LAMTOR1: variants seen among roughly 807,000 people sequenced by gnomAD.
LAMTOR1 encodes late endosomal/lysosomal adaptor, MAPK and MTOR activator 1, also known as ragulator complex protein LAMTOR1.
In LAMTOR1, 8 loss-of-function variants were observed where a neutral mutation model predicts 20.5. The ratio of observed to expected loss-of-function variants is 0.39; its 90% CI spans 0.23 to 0.70. LAMTOR1 has a LOEUF of 0.70. Among genes scored for constraint, LAMTOR1 ranks in the 30% least tolerant of loss-of-function variants. The pLI, the probability that LAMTOR1 is intolerant of heterozygous loss-of-function variation, is 0.43. For missense variants in LAMTOR1, 135 were observed against 206.2 expected, an observed-to-expected ratio of 0.65 and a Z score of 2.11; for synonymous variants, 77 against 80.9, an observed-to-expected ratio of 0.95 and a Z score of 0.26.
At position 72,097,426 on chromosome 11, in the gene LAMTOR1, C is replaced by G. The variant is rs914686910; in HGVS notation, c.*396G>C. 9.8e-7 allele frequency: 1 copy of G among 1,021,556 alleles called. No individual in the cohort carries two copies. The highest frequency in any genetic ancestry group is 1.7e-5 in the African/African-American group (1 of 58,212). 63.3% of individuals were successfully genotyped at this position (1,021,556 alleles called of 1,614,324 possible). A position where few individuals can be genotyped will look rare whatever the true frequency, so the allele number is the denominator to read the frequency against. ...CTCATCCAGACCCTGGTCACAAACC[C>G]TAGTGAGGTGCATGTGAGCACCAAG... On this transcript the variant is annotated 3_prime_UTR_variant, in exon 5 of 5. Coordinates refer to ENST00000278671, the MANE Select transcript of LAMTOR1 (RefSeq NM_017907.3).
chr11:72,099,149 C>A lies in LAMTOR1; in HGVS notation c.150G>T (p.Glu50Asp). ...CAAGGATGGAAGAGAGCAGGGCCTG[C>A]TCATCAGTGCGAGCGGAAGGCAGGC... ...YHSLPSARTDEQALLSSILAK... is the reference protein window; with the variant it reads ...YHSLPSARTDDQALLSSILAK... Residue 50 changes from glutamate (E) to aspartate (D), a missense_variant, in exon 2 of 5, where the codon GAG becomes GAT. By Grantham distance (45) the Glu-to-Asp change is conservative. Transcript: ENST00000278671. 6.2e-7 allele frequency: 1 copy of A among 1,613,962 alleles called. No homozygotes were observed. Among genetic ancestry groups the A allele is most frequent in the South Asian group, 1.1e-5 (1 of 91,074 alleles).
At chr11:72,101,586 A>C (rs1945440511) in intron 1 of LAMTOR1, among the ~76,000 whole-genome samples, 1 of 152,218 alleles carries the variant, frequency 6.6e-6, no homozygotes, top group Non-Finnish European at 1.5e-5. Flanking sequence ...CCCTTTGTAA[A>C]CTGTAACGTG....
chr11:72,102,240 G>A (rs1333857509), intron 1 of LAMTOR1, among the ~76,000 whole-genome samples: 1 of 152,166 alleles, frequency 6.6e-6, no homozygotes, highest in Non-Finnish European at 1.5e-5. Context: ...ACTCTCTCAG[G>A]TCTACTATAT....
intron 2 of LAMTOR1, 101 bp from the exon 3 acceptor site, chr11:72,098,959 T>C (rs1162201904): frequency 4.4e-6 from 6 of 1,352,828 alleles, no homozygotes; most frequent in Admixed American, 4.2e-5. Flanking sequence ...GACACCAGTT[T>C]CCCTCCTGCC....
In LAMTOR1 at chr11:72,098,280, G is replaced by A. The variant is rs759947949; in HGVS notation, c.393+9C>T. ...AAGGGTGGGCAGGGGCAGGTGAGGG[G>A]TGTCTCACCTGCTGCAAATCAGAGA... On this transcript the variant is annotated intron_variant, in intron 4 of 4. Coordinates refer to ENST00000278671, the MANE Select transcript of LAMTOR1 (RefSeq NM_017907.3). The A allele has an allele frequency of 3.1e-6, 5 of 1,610,554 alleles. No individual in the cohort carries two copies. In the South Asian group the frequency reaches 5.6e-5, roughly 18 times the overall value.
intron 4 of LAMTOR1, 166 bp from the exon 5 acceptor site, chr11:72,098,080 A>C (rs1393637904): frequency 4.9e-6 from 5 of 1,029,638 alleles, no homozygotes; most frequent in Non-Finnish European, 7.1e-6. Flanking sequence ...AAAAGAACAA[A>C]GGGGAGTGAA....
chr11:72,098,852 G>A lies in LAMTOR1; in HGVS notation c.195C>T (p.Ile65=). The A allele has an allele frequency of 6.5e-7, 1 of 1,549,966 alleles. No individual in the cohort carries two copies. The change falls in exon 3 of 5, where the codon ATC becomes ATT. Residue 65 remains isoleucine (I), a synonymous_variant. Coordinates refer to ENST00000278671, the MANE Select transcript of LAMTOR1 (RefSeq NM_017907.3). ...GTGAGTCTGCAGCAGACACATCAAT[G>A]ATGTTGCTATGGGGAGAGGAGACAG... ...SSILAKTASN[I]IDVSAADSQG... is the part of the protein sequence containing the mutation.
chr11:72,097,494 G>T lies in LAMTOR1; in HGVS notation c.*328C>A. On this transcript the variant is annotated 3_prime_UTR_variant, in exon 5 of 5. Transcript: ENST00000278671. ...GAGTGACTCTGAGGCCAACAGAGAG[G>T]GTGGGAAGGGGATCTCCCTAGGTCC... 9.1e-7 allele frequency: 1 copy of T among 1,098,396 alleles called. No homozygotes were observed. Among genetic ancestry groups the T allele is most frequent in the Middle Eastern group, 4.0e-4 (1 of 2,476 alleles). The allele number at this position is 1,098,396 out of a possible 1,614,324, so 68.0% of individuals were successfully genotyped here.
At chr11:72,102,224 C>T (rs1945468779) in intron 1 of LAMTOR1, among the ~76,000 whole-genome samples, 1 of 152,204 alleles carries the variant, frequency 6.6e-6, no homozygotes, top group Non-Finnish European at 1.5e-5. Context: ...TACCTGAAAC[C>T]TTTCTACTCT....
At chr11:72,098,926 A>T in intron 2 of LAMTOR1, 68 bp from the exon 3 acceptor site, 1 of 1,404,924 alleles carries the variant, frequency 7.1e-7, no homozygotes, top group Non-Finnish European at 9.7e-7. Context: ...ACTCAGTGCC[A>T]GGTACCAACT....
At chr11:72,099,372 A>T in intron 1 of LAMTOR1, 116 bp from the exon 2 acceptor site, 1 of 1,162,184 alleles carries the variant, frequency 8.6e-7, no homozygotes, top group South Asian at 1.6e-5. Flanking sequence ...TATAAGGAAT[A>T]TCTAAAGTGC....
intron 1 of LAMTOR1, among the ~76,000 whole-genome samples, chr11:72,102,251 GT>G (rs1945470131): frequency 6.6e-6 from 1 of 152,210 alleles, no homozygotes; most frequent in African/African-American, 2.4e-5. Flanking sequence ...TCTACTATAT[GT>G]TCAAATGTAG....
chr11:72,099,680 C>G (rs750442172), intron 1 of LAMTOR1, among the ~76,000 whole-genome samples: 46 of 152,330 alleles, frequency 3.0e-4, no homozygotes, highest in South Asian at 1.0e-3. Context: ...TCCTCATCCC[C>G]TAGGACCAGG....
rs1405455306 is a variant in LAMTOR1 at position 72,103,219 on chromosome 11, C to G, written c.6G>C (p.Gly2=). M[G]CCYSSENEDS... ...CCTCGTTCTCGCTGCTGTAGCAGCACCCCATGGCCGGGGTCGGGCCGGGCG... is the reference window on the plus strand; with the variant it reads ...CCTCGTTCTCGCTGCTGTAGCAGCAGCCCATGGCCGGGGTCGGGCCGGGCG... The change falls in exon 1 of 5, where the codon GGG becomes GGC. Residue 2 remains glycine, a synonymous_variant. Coordinates refer to ENST00000278671, the MANE Select transcript of LAMTOR1 (RefSeq NM_017907.3). 1.3e-6 allele frequency: 2 copies of G among 1,570,118 alleles called. No individual in the cohort carries two copies. Among genetic ancestry groups the G allele is most frequent in the East Asian group, 2.4e-5 (1 of 42,410 alleles).
At chr11:72,100,865 G>A (rs565928899) in intron 1 of LAMTOR1, 20 of 152,452 alleles carry the variant, frequency 1.3e-4, no homozygotes, top group African/African-American at 3.8e-4. Flanking sequence ...AACAGCAAGA[G>A]ACAGAAGCTG....
intron 3 of LAMTOR1, 49 bp downstream of exon 3, chr11:72,098,732 G>A: frequency 7.5e-7 from 1 of 1,339,318 alleles, no homozygotes; most frequent in Non-Finnish European, 1.0e-6. Context: ...CAGTGATGGA[G>A]GGTGGGAGCC....
Position 72,097,377 on chromosome 11 carries a change from A to T in LAMTOR1, c.*445T>A. 1.0e-6 allele frequency: 1 copy of T among 999,220 alleles called. No homozygotes were observed. The highest frequency in any genetic ancestry group is 1.2e-6 in the Non-Finnish European group (1 of 837,472). 61.9% of individuals were successfully genotyped at this position (999,220 alleles called of 1,614,324 possible). A position where few individuals can be genotyped will look rare whatever the true frequency, so the allele number is the denominator to read the frequency against. On this transcript the variant is annotated 3_prime_UTR_variant, in exon 5 of 5. Transcript: ENST00000278671. Reference sequence around the variant, plus strand: ...TAAAAACCCAGGGTTCTAGAAATACAAACTCAATTCATTCAAATTCAAGCT... The same window carrying T: ...TAAAAACCCAGGGTTCTAGAAATACTAACTCAATTCATTCAAATTCAAGCT...
rs4365081 is a variant in LAMTOR1 at position 72,097,674 on chromosome 11, G to A, written c.*148C>T. ...CTACCCTCACTTGCTCAGGCTTCTA[G>A]CCTTCCTCTTCTCCTCCTTCTTCAC... On this transcript the variant is annotated 3_prime_UTR_variant, in exon 5 of 5. Coordinates refer to ENST00000278671, the MANE Select transcript of LAMTOR1 (RefSeq NM_017907.3). 1 of 1,524,464 alleles carries A rather than the reference G, an allele frequency of 6.6e-7. No individual in the cohort carries two copies. The highest frequency in any genetic ancestry group is 1.9e-5 in the Admixed American group (1 of 51,938). 94.4% of individuals were successfully genotyped at this position (1,524,464 alleles called of 1,614,324 possible).
chr11:72,097,815 C>G lies in LAMTOR1; in HGVS notation c.*7G>C. On this transcript the variant is annotated 3_prime_UTR_variant, in exon 5 of 5. Transcript: ENST00000278671. ...AGAGGAGAAGAGCTGTCCAAGGACC[C>G]CTCTCTTCATGGGATCCCAAACTGT... 1 of 1,614,044 alleles carries G rather than the reference C, an allele frequency of 6.2e-7. No homozygotes were observed. The highest frequency in any genetic ancestry group is 8.5e-7 in the Non-Finnish European group (1 of 1,179,970).
Sources: allele counts gnomAD v4.1 joint callset (sites outside exome capture counted in the v4.1 genomes callset), GRCh38; gene constraint gnomAD v4.1.1; transcripts MANE v1.5; gene names NCBI Gene and HGNC (gene_info 2026-07-23, HGNC 2026-07-21).